ANXA10: variants seen among roughly 807,000 people sequenced by gnomAD.
ANXA10 encodes annexin 14.
A neutral mutation model predicts 53.5 loss-of-function variants in ANXA10; 49 were observed. The ratio of observed to expected loss-of-function variants is 0.92; its 90% CI spans 0.73 to 1.16. ANXA10 has a LOEUF of 1.16. ANXA10 is among the 50% of genes most tolerant of loss of function. The probability of loss-of-function intolerance (pLI) is 0.00; values close to 1 mark genes in which losing one functional copy is unlikely to be tolerated. For missense variants in ANXA10, 393 were observed against 394.4 expected (o/e 1.00, Z 0.03); for synonymous variants, 131 against 128.9 (o/e 1.02, Z -0.11).
At chr4:168,154,554 AT>A (rs1298612620) in intron 3 of ANXA10, among the ~76,000 whole-genome samples, 1 of 152,146 alleles carries the variant, frequency 6.6e-6, no homozygotes, top group Non-Finnish European at 1.5e-5. Flanking sequence ...AGAGATGATC[AT>A]TTTAATTTTT....
At chr4:168,136,436 G>A (rs1731238439) in intron 2 of ANXA10, among the ~76,000 whole-genome samples, 1 of 152,136 alleles carries the variant, frequency 6.6e-6, no homozygotes, top group Non-Finnish European at 1.5e-5. Context: ...TACAATTGGG[G>A]TACAGGTATT....
intron 3 of ANXA10, among the ~76,000 whole-genome samples, chr4:168,157,915 C>A (rs923596350): frequency 6.6e-6 from 1 of 151,826 alleles, no homozygotes; most frequent in African/African-American, 2.4e-5. Flanking sequence ...TATAAATATT[C>A]CTGTTCTTTG....
At chr4:168,163,807 T>C (rs1731825728) in intron 4 of ANXA10, among the ~76,000 whole-genome samples, 1 of 152,094 alleles carries the variant, frequency 6.6e-6, no homozygotes, top group Non-Finnish European at 1.5e-5. Context: ...CTCGGCAAAT[T>C]AGAAAACCTG....
At chr4:168,180,618 G>A (rs1210038384) in intron 9 of ANXA10, among the ~76,000 whole-genome samples, 1 of 152,170 alleles carries the variant, frequency 6.6e-6, no homozygotes, top group African/African-American at 2.4e-5. Context: ...CTTTTAAGGA[G>A]TAGTGACTCA....
Position 168,177,741 on chromosome 4 carries a change from G to T in ANXA10, c.482G>T (p.Gly161Val), listed in dbSNP as rs752116805. The change falls in exon 7 of 12, where the codon GGG (glycine) becomes GTG (valine). Residue 161 changes from glycine (G) to valine (V), a missense_variant and splice_region_variant. Transcript: ENST00000359299. ...FRDTLMNLVQGTREEGYTDPA... is the reference protein window; with the variant it reads ...FRDTLMNLVQVTREEGYTDPA... ...GGAAAACCTGTGCTTACTTTACAGG[G>T]GACCAGAGAGGAAGGATATACAGAC... The T allele has an allele frequency of 6.2e-7, 1 of 1,614,076 alleles. No homozygotes were observed. The highest frequency in any genetic ancestry group is 8.5e-7 in the Non-Finnish European group (1 of 1,179,986).
intron 1 of ANXA10, among the ~76,000 whole-genome samples, chr4:168,120,594 G>A (rs567378947): frequency 4.1e-4 from 63 of 152,028 alleles, no homozygotes; most frequent in African/African-American, 1.2e-3. Flanking sequence ...TGATGACATC[G>A]CAATGTTAAT....
At chr4:168,153,978 GTA>G (rs1002417334) in intron 3 of ANXA10, among the ~76,000 whole-genome samples, 14 of 104,864 alleles carry the variant, frequency 1.3e-4, no homozygotes, top group African/African-American at 3.9e-4. Context: ...CTATAGCTAT[GTA>G]TACACACACA....
At chr4:168,168,492 T>A (rs1731921988) in intron 6 of ANXA10, among the ~76,000 whole-genome samples, 1 of 152,176 alleles carries the variant, frequency 6.6e-6, no homozygotes, top group Non-Finnish European at 1.5e-5. Flanking sequence ...CAATCTTGGC[T>A]CACTGCAACC....
chr4:168,096,954 T>C (rs1303907885), intron 1 of ANXA10, among the ~76,000 whole-genome samples: 1 of 68,070 alleles, frequency 1.5e-5, no homozygotes, highest in African/African-American at 6.6e-5. Flanking sequence ...ATACAATACA[T>C]ACATAAGCAT....
chr4:168,166,240 C>G (rs1215401026), intron 6 of ANXA10, among the ~76,000 whole-genome samples: 1 of 152,124 alleles, frequency 6.6e-6, no homozygotes, highest in Admixed American at 6.5e-5. Context: ...ACTCTAAATG[C>G]CAGCATATGA....
intron 2 of ANXA10, among the ~76,000 whole-genome samples, chr4:168,133,759 T>C (rs1475888090): frequency 6.6e-6 from 1 of 152,102 alleles, no homozygotes; most frequent in African/African-American, 2.4e-5. Flanking sequence ...TAGTTCAGTA[T>C]TTACTAATTC....
At chr4:168,098,253 C>T (rs577529553) in intron 1 of ANXA10, among the ~76,000 whole-genome samples, 1 of 152,002 alleles carries the variant, frequency 6.6e-6, no homozygotes, top group Admixed American at 6.6e-5. Context: ...GTACTTCTTT[C>T]CTTAACCCTT....
chr4:168,157,272 T>A (rs1191057879), intron 3 of ANXA10, among the ~76,000 whole-genome samples: 2 of 152,120 alleles, frequency 1.3e-5, no homozygotes, highest in African/African-American at 2.4e-5. Context: ...TCTTTATATT[T>A]TTTTTTCTTT....
intron 2 of ANXA10, among the ~76,000 whole-genome samples, chr4:168,129,784 A>G (rs1387749378): frequency 6.6e-6 from 1 of 152,220 alleles, no homozygotes; most frequent in Non-Finnish European, 1.5e-5. Flanking sequence ...TTTACTCATC[A>G]TCTATAAAAA....
chr4:168,143,191 T>C (rs954610550), intron 3 of ANXA10, among the ~76,000 whole-genome samples: 1 of 152,222 alleles, frequency 6.6e-6, no homozygotes, highest in Non-Finnish European at 1.5e-5. Flanking sequence ...CTTCTTGACA[T>C]CTACCACCGC....
chr4:168,150,992 T>C (rs1457915082), intron 3 of ANXA10, among the ~76,000 whole-genome samples: 1 of 152,242 alleles, frequency 6.6e-6, no homozygotes, highest in South Asian at 2.1e-4. Flanking sequence ...TACCATAAGG[T>C]GTATTCTAAA....
At chr4:168,185,069 G>A (rs779664278) in intron 11 of ANXA10, among the ~76,000 whole-genome samples, 33 of 152,048 alleles carry the variant, frequency 2.2e-4, no homozygotes, top group Non-Finnish European at 4.0e-4. Context: ...CAGGAGAATC[G>A]CTTGAACCCG....
intron 5 of ANXA10, 39 bp from the exon 6 acceptor site, chr4:168,165,208 C>A: frequency 7.5e-7 from 1 of 1,331,456 alleles, no homozygotes; most frequent in South Asian, 1.4e-5. Flanking sequence ...ATACATAGTT[C>A]TATAATAAAT....
At chr4:168,112,639 A>G (rs1033987010) in intron 1 of ANXA10, among the ~76,000 whole-genome samples, 1 of 152,238 alleles carries the variant, frequency 6.6e-6, no homozygotes, top group Non-Finnish European at 1.5e-5. Context: ...AGACTAGTCT[A>G]GCAATCAAGA....
Sources: gnomAD v4.1 joint callset for allele counts (sites outside exome capture counted in the v4.1 genomes callset) on GRCh38, gnomAD v4.1.1 for gene constraint, MANE v1.5 for transcripts, NCBI Gene and HGNC (gene_info 2026-07-23, HGNC 2026-07-21) for gene names.